Variants in METAP2 observed in about 807,000 individuals in gnomAD.
METAP2 encodes the protein methionine aminopeptidase 2.
In METAP2, 25 loss-of-function variants were observed where a neutral mutation model predicts 59.4. The ratio of observed to expected loss-of-function variants is 0.42; its 90% CI spans 0.31 to 0.59. The LOEUF (loss-of-function observed/expected upper bound fraction) is 0.59, where lower values mean the gene tolerates loss of function less well. Among genes scored for constraint, METAP2 ranks in the 20% least tolerant of loss-of-function variants. The pLI is 0.16. For missense variants in METAP2, 366 were observed against 581.2 expected, an observed-to-expected ratio of 0.63 and a Z score of 3.81; for synonymous variants, 214 against 194.1, an observed-to-expected ratio of 1.10 and a Z score of -0.85.
intron 2 of METAP2, among the ~76,000 whole-genome samples, chr12:95,478,344 A>G (rs2076135576): frequency 1.3e-5 from 2 of 152,150 alleles, no homozygotes; most frequent in African/African-American, 4.8e-5. Context: ...CCTAATGGAA[A>G]ACTAGACCAG....
At chr12:95,492,845 ACTTTTT>A (rs1427726865) in intron 4 of METAP2, among the ~76,000 whole-genome samples, 2 of 152,148 alleles carry the variant, frequency 1.3e-5, no homozygotes, top group African/African-American at 4.8e-5. Flanking sequence ...AGTTGAGTGA[ACTTTTT>A]CTTCAAAGGG....
intron 2 of METAP2, among the ~76,000 whole-genome samples, chr12:95,477,546 G>A (rs1031158790): frequency 6.6e-6 from 1 of 152,146 alleles, no homozygotes; most frequent in Non-Finnish European, 1.5e-5. Context: ...GCTAATTGAT[G>A]TTATCAGTAA....
At chr12:95,504,595 TA>T (rs1369109626) in intron 8 of METAP2, among the ~76,000 whole-genome samples, 5 of 152,192 alleles carry the variant, frequency 3.3e-5, no homozygotes, top group Admixed American at 3.3e-4. Context: ...CTCCCAGGCT[TA>T]GGCTTAAGCG....
chr12:95,511,761 C>T (rs899734404), intron 8 of METAP2, 134 bp from the exon 9 acceptor site: 25 of 593,116 alleles, frequency 4.2e-5, no homozygotes, highest in Non-Finnish European at 6.7e-5. Context: ...ATTAAACTAC[C>T]TTAATGTAAG....
intron 7 of METAP2, among the ~76,000 whole-genome samples, chr12:95,498,579 C>G (rs1256106570): frequency 6.6e-6 from 1 of 152,070 alleles, no homozygotes; most frequent in Non-Finnish European, 1.5e-5. Context: ...CAACTTAGGT[C>G]TTTGATCCAT....
chr12:95,501,530 C>T lies in METAP2; in HGVS notation c.868-2535C>T, dbSNP rs186373349. On this transcript the variant is annotated intron_variant, in intron 7 of 10. Transcript: ENST00000323666. ...AAGAGATTGAGACTGTTCTGGCCAA[C>T]GTGGTGAAACCCCGTCTCTACTAAA... Among the ~76,000 whole-genome samples the T allele has an allele frequency of 2.4e-4, 37 of 152,174 alleles. No individual in the cohort carries two copies. In the East Asian group the frequency reaches 6.8e-3, roughly 28 times the overall value.
intron 3 of METAP2, among the ~76,000 whole-genome samples, chr12:95,485,074 A>G (rs965610840): frequency 6.6e-6 from 1 of 152,214 alleles, no homozygotes; most frequent in African/African-American, 2.4e-5. Context: ...TAACCATAGT[A>G]CAGATTATTA....
chr12:95,485,921 T>C lies in METAP2; in HGVS notation c.368T>C (p.Leu123Pro). The stretch of plus-strand genomic sequence containing the variant: ...CCTCCCTCAGTTCCAATATGTGACC[T>C]GTATCCTAATGGTGTATTTCCCAAA... ...TDPPSVPICD[L>P]YPNGVFPKGQ... Residue 123 changes from leucine (L) to proline (P), a missense_variant, in exon 4 of 11, where the codon CTG becomes CCG. Leu to Pro is a moderately conservative substitution (Grantham distance 98). Transcript: ENST00000323666. 1 of 1,592,474 alleles carries C rather than the reference T, an allele frequency of 6.3e-7. No homozygotes were observed. Among genetic ancestry groups the C allele is most frequent in the Non-Finnish European group, 8.5e-7 (1 of 1,172,152 alleles).
At chr12:95,495,639 A>G (rs1228673938) in intron 6 of METAP2, among the ~76,000 whole-genome samples, 5 of 152,154 alleles carry the variant, frequency 3.3e-5, no homozygotes, top group African/African-American at 1.2e-4. Context: ...GAAAAGTAAA[A>G]GTATATTCAG....
rs1456695207 is a variant in METAP2 at position 95,483,297 on chromosome 12, A to G, written c.325+17A>G. Reference sequence around the variant, plus strand: ...AGAGAGGACGTTAGTGTCTTAAGTTAATGTTAATTGATATATTAGAAGTGT... The same window carrying G: ...AGAGAGGACGTTAGTGTCTTAAGTTGATGTTAATTGATATATTAGAAGTGT... On this transcript the variant is annotated intron_variant, in intron 3 of 10. Transcript: ENST00000323666. 11 of 1,578,268 alleles carry G rather than the reference A, an allele frequency of 7.0e-6. No homozygotes were observed. The highest frequency in any genetic ancestry group is 1.4e-5 in the African/African-American group (1 of 74,058).
Position 95,495,996 on chromosome 12 carries a change from T to C in METAP2, c.773-8T>C, listed in dbSNP as rs772957001. On this transcript the variant is annotated splice_region_variant and splice_polypyrimidine_tract_variant and intron_variant, in intron 6 of 10. Coordinates refer to ENST00000323666, the MANE Select transcript of METAP2 (RefSeq NM_006838.4). ...AAGTAAAATTAAAAGAGGAATTTTCTCTTTCAGGTAGGATTATTGACTGTG... is the reference window on the plus strand; with the variant it reads ...AAGTAAAATTAAAAGAGGAATTTTCCCTTTCAGGTAGGATTATTGACTGTG... 6.6e-7 allele frequency: 1 copy of C among 1,509,538 alleles called. No homozygotes were observed. The highest frequency in any genetic ancestry group is 1.2e-5 in the South Asian group (1 of 84,782). The allele number at this position is 1,509,538 out of a possible 1,614,324, so 93.5% of individuals were successfully genotyped here. A position where few individuals can be genotyped will look rare whatever the true frequency, so the allele number is the denominator to read the frequency against.
rs777002045 is a variant in METAP2, at chr12:95,496,821, C to CTTTTTTTTTT, written c.867+735_867+744dup. Among the ~76,000 whole-genome samples the CTTTTTTTTTT allele has an allele frequency of 9.5e-4, 96 of 100,894 alleles. 1 individual carries two copies. The highest frequency in any genetic ancestry group is 1.2e-3 in the Non-Finnish European group (63 of 51,650). 66.2% of individuals were successfully genotyped at this position (100,894 alleles called of 152,430 possible). A position where few individuals can be genotyped will look rare whatever the true frequency, so the allele number is the denominator to read the frequency against. ...AATTTACCATATTAACTTTTTCTTT[C>CTTTTTTTTTT]TTTTTTTTTTTTTTTTTTTTTGAGA... On this transcript the variant is annotated intron_variant, in intron 7 of 10. Coordinates refer to ENST00000323666, the MANE Select transcript of METAP2 (RefSeq NM_006838.4).
chr12:95,505,611 C>G (rs1166547241), intron 8 of METAP2, among the ~76,000 whole-genome samples: 1 of 152,136 alleles, frequency 6.6e-6, no homozygotes, highest in Non-Finnish European at 1.5e-5. Context: ...TCTCCTACCT[C>G]AGCCTCCTGA....
chr12:95,499,078 T>G, intron 7 of METAP2, among the ~76,000 whole-genome samples: 1 of 152,178 alleles, frequency 6.6e-6, no homozygotes, highest in South Asian at 2.1e-4. Context: ...CTGTTCATTT[T>G]ATTGTATTGG....
At position 95,493,939 on chromosome 12, in the gene METAP2, A is replaced by G. The variant is rs746546994; in HGVS notation, c.429-117A>G. On this transcript the variant is annotated intron_variant, in intron 4 of 10. Transcript: ENST00000323666. ...TTTGTATTTCAGAAACTTTATTGACATAAACTGAATATGTACTGTATTTTT... is the reference window on the plus strand; with the variant it reads ...TTTGTATTTCAGAAACTTTATTGACGTAAACTGAATATGTACTGTATTTTT... 7 of 793,704 alleles carry G rather than the reference A, an allele frequency of 8.8e-6. 1 individual carries two copies. The highest frequency in any genetic ancestry group is 1.3e-5 in the Non-Finnish European group (7 of 540,108). 49.2% of individuals were successfully genotyped at this position (793,704 alleles called of 1,614,324 possible).
chr12:95,476,679 A>G (rs191533799), intron 2 of METAP2, among the ~76,000 whole-genome samples: 5 of 152,296 alleles, frequency 3.3e-5, no homozygotes, highest in Non-Finnish European at 4.4e-5. Context: ...AAAAAGTTCA[A>G]TGTGTTAATT....
chr12:95,511,151 G>T (rs1345073357), intron 8 of METAP2, among the ~76,000 whole-genome samples: 1 of 151,850 alleles, frequency 6.6e-6, no homozygotes, highest in East Asian at 1.9e-4. Context: ...AGCCACATAG[G>T]TTTTCTTTTT....
At chr12:95,501,434 T>C (rs938666242) in intron 7 of METAP2, among the ~76,000 whole-genome samples, 5 of 152,300 alleles carry the variant, frequency 3.3e-5, no homozygotes, top group East Asian at 3.9e-4. Context: ...AAAAATAATT[T>C]TGGCCGCGCG....
At chr12:95,483,367 T>TAG (rs2076173206) in intron 3 of METAP2, 87 bp downstream of exon 3, 1 of 1,017,640 alleles carries the variant, frequency 9.8e-7, no homozygotes, top group Admixed American at 2.0e-5. Context: ...TCCCAGCTAC[T>TAG]CCGGAGGCTG....
Sources: gnomAD v4.1 joint callset for allele counts (sites outside exome capture counted in the v4.1 genomes callset) on GRCh38, gnomAD v4.1.1 for gene constraint, MANE v1.5 for transcripts, NCBI Gene and HGNC (gene_info 2026-07-23, HGNC 2026-07-21) for gene names.